Variants in TTC23 observed in about 807,000 individuals in gnomAD.
TTC23 encodes tetratricopeptide repeat domain 23.
In TTC23, 58 loss-of-function variants were observed where a neutral mutation model predicts 55.1. The ratio of observed to expected loss-of-function variants is 1.05; its 90% confidence interval spans 0.85 to 1.31. The LOEUF (loss-of-function observed/expected upper bound fraction) is 1.31, where lower values mean the gene tolerates loss of function less well. TTC23 is among the 50% of genes most tolerant of loss of function. The pLI, the probability that TTC23 is intolerant of heterozygous loss-of-function variation, is 0.00. For missense variants in TTC23, 516 were observed against 534.4 expected (o/e 0.97, Z 0.34); for synonymous variants, 203 against 199.9 (o/e 1.02, Z -0.13).
intron 9 of TTC23, among the ~76,000 whole-genome samples, chr15:99,186,742 C>A (rs2074701181): frequency 1.3e-5 from 2 of 151,906 alleles, no homozygotes; most frequent in South Asian, 4.1e-4. Context: ...AATAAATTTA[C>A]CCAAAGAAGT....
intron 12 of TTC23, among the ~76,000 whole-genome samples, chr15:99,143,811 G>A (rs1400914480): frequency 6.6e-6 from 1 of 152,182 alleles, no homozygotes; most frequent in African/African-American, 2.4e-5. Context: ...TGTTTGTCTT[G>A]CTCACCACTG....
At chr15:99,149,831 C>A (rs2069459935) in intron 12 of TTC23, among the ~76,000 whole-genome samples, 1 of 152,182 alleles carries the variant, frequency 6.6e-6, no homozygotes, top group African/African-American at 2.4e-5. Flanking sequence ...GCACATGGTA[C>A]CAGTTCAGTC....
intron 4 of TTC23, among the ~76,000 whole-genome samples, chr15:99,232,768 C>T (rs1236694213): frequency 6.6e-6 from 1 of 152,110 alleles, no homozygotes; most frequent in Non-Finnish European, 1.5e-5. Flanking sequence ...ACCATATGAT[C>T]CATGAATCCC....
intron 9 of TTC23, among the ~76,000 whole-genome samples, chr15:99,180,958 G>C (rs539945585): frequency 6.6e-6 from 1 of 152,288 alleles, no homozygotes; most frequent in South Asian, 2.1e-4. Flanking sequence ...GGGAAGGAGG[G>C]AACTAACATC....
intron 9 of TTC23, among the ~76,000 whole-genome samples, chr15:99,186,196 T>C (rs2151955973): frequency 6.6e-6 from 1 of 152,342 alleles, no homozygotes; most frequent in Non-Finnish European, 1.5e-5. Context: ...CACAAAGCAC[T>C]TTCCATTTTG....
chr15:99,191,638 C>T (rs1006921914), intron 9 of TTC23, among the ~76,000 whole-genome samples: 24 of 152,278 alleles, frequency 1.6e-4, no homozygotes, highest in East Asian at 5.8e-4. Context: ...TCCCCAGCCA[C>T]GTGGAACTGT....
intron 8 of TTC23, among the ~76,000 whole-genome samples, chr15:99,206,717 A>C (rs1278073214): frequency 6.6e-6 from 1 of 152,054 alleles, no homozygotes; most frequent in Non-Finnish European, 1.5e-5. Context: ...TTCTTAGTCT[A>C]GTAAAGGTTT....
rs2078918601 is a variant in TTC23, at chr15:99,231,373, A to G, written c.-20-2641T>C. Among the ~76,000 whole-genome samples the G allele has an allele frequency of 2.0e-5, 3 of 152,258 alleles. No homozygotes were observed. In the South Asian group the frequency reaches 6.2e-4, roughly 32 times the overall value. On this transcript the variant is annotated intron_variant, in intron 4 of 13. Transcript: ENST00000394132. Reference sequence around the variant, plus strand: ...ATTCCATTATCATCATAGGTGATGAAAGCTCCATGCATGTTACTGCCACTG... The same window carrying G: ...ATTCCATTATCATCATAGGTGATGAGAGCTCCATGCATGTTACTGCCACTG...
At position 99,209,144 on chromosome 15, in the gene TTC23, T is replaced by G. The variant is rs144882239; in HGVS notation, c.582-9048A>C. ...TCTCATTGCAGACAAGTTTCAGATC[T>G]CATAGGGATGGAGACTCGTTTTAAC... On this transcript the variant is annotated intron_variant, in intron 8 of 13. Coordinates refer to ENST00000394132, the MANE Select transcript of TTC23 (RefSeq NM_001288615.3). 1.2e-3 allele frequency among the ~76,000 whole-genome samples: 187 copies of G among 152,334 alleles called. 3 individuals are homozygous for G. The East Asian group carries it at 0.033, about 27-fold the overall frequency.
At chr15:99,213,411 G>A (rs1057252387) in intron 8 of TTC23, among the ~76,000 whole-genome samples, 1 of 152,180 alleles carries the variant, frequency 6.6e-6, no homozygotes, top group Admixed American at 6.5e-5. Context: ...GCTTGGTGTT[G>A]CTAATTTGGA....
intron 5 of TTC23, among the ~76,000 whole-genome samples, chr15:99,224,972 T>C (rs913932252): frequency 5.3e-5 from 8 of 152,098 alleles, no homozygotes; most frequent in African/African-American, 1.9e-4. Context: ...AATGACTACT[T>C]TGGAGAGAGA....
intron 9 of TTC23, among the ~76,000 whole-genome samples, chr15:99,197,632 G>A (rs548032484): frequency 3.3e-5 from 5 of 152,182 alleles, no homozygotes; most frequent in Non-Finnish European, 4.4e-5. Flanking sequence ...GAGGCCAGGC[G>A]CAGTAGCTCA....
intron 8 of TTC23, among the ~76,000 whole-genome samples, chr15:99,205,561 G>T (rs1412547142): frequency 1.4e-5 from 2 of 147,528 alleles, no homozygotes; most frequent in Admixed American, 6.8e-5. Context: ...GTTTTTTTTT[G>T]TAGCTATTGT....
chr15:99,163,510 A>C (rs2071661954), intron 10 of TTC23, among the ~76,000 whole-genome samples: 1 of 152,236 alleles, frequency 6.6e-6, no homozygotes, highest in African/African-American at 2.4e-5. Flanking sequence ...TTACCACACC[A>C]GACTTCTAAC....
chr15:99,245,229 A>C (rs1326698247), intron 2 of TTC23, among the ~76,000 whole-genome samples, 160 bp downstream of exon 2: 1 of 152,136 alleles, frequency 6.6e-6, no homozygotes, highest in African/African-American at 2.4e-5. Context: ...TGACATATAG[A>C]GGCCGGGCGT....
At chr15:99,208,919 T>C (rs1299408971) in intron 8 of TTC23, among the ~76,000 whole-genome samples, 1 of 152,156 alleles carries the variant, frequency 6.6e-6, no homozygotes, top group Admixed American at 6.5e-5. Context: ...CCAGGGATGA[T>C]TTGAGGATTT....
At chr15:99,162,422 C>T (rs1267368730) in intron 10 of TTC23, among the ~76,000 whole-genome samples, 1 of 152,004 alleles carries the variant, frequency 6.6e-6, no homozygotes, top group Non-Finnish European at 1.5e-5. Context: ...AAATGCATGC[C>T]AATCTTGAAT....
chr15:99,181,212 T>A (rs1450229589), intron 9 of TTC23, among the ~76,000 whole-genome samples: 7 of 152,050 alleles, frequency 4.6e-5, no homozygotes, highest in African/African-American at 7.2e-5. Flanking sequence ...ATTGAGAGGG[T>A]AGAAGTTACA....
intron 9 of TTC23, among the ~76,000 whole-genome samples, chr15:99,197,281 G>C (rs972518149): frequency 6.6e-6 from 1 of 151,496 alleles, no homozygotes; most frequent in Non-Finnish European, 1.5e-5. Context: ...TTTTTGTATT[G>C]TTAGTAGAGA....
Sources: allele counts gnomAD v4.1 joint callset (sites outside exome capture counted in the v4.1 genomes callset), GRCh38; gene constraint gnomAD v4.1.1; transcripts MANE v1.5; gene names NCBI Gene and HGNC (gene_info 2026-07-23, HGNC 2026-07-21).